Variants in AFAP1L2 observed in about 807,000 individuals in gnomAD.
The protein encoded by AFAP1L2 is actin filament-associated protein 1-like 2.
In AFAP1L2, 46 loss-of-function variants were observed where a neutral mutation model predicts 99.3. The ratio of observed to expected loss-of-function variants is 0.46; its 90% confidence interval spans 0.37 to 0.59. The LOEUF is 0.59. Ranked by LOEUF, AFAP1L2 falls within the 20% of genes least tolerant of loss-of-function variation. The pLI, the probability that AFAP1L2 is intolerant of heterozygous loss-of-function variation, is 0.00. For synonymous variants in AFAP1L2, 397 were observed against 419.1 expected, an observed-to-expected ratio of 0.95 and a Z score of 0.64; for missense variants, 959 against 1,034.9, an observed-to-expected ratio of 0.93 and a Z score of 1.01.
chr10:114,289,318 C>A, the AFAP1L2 span: 1 of 1,614,092 alleles, frequency 6.2e-7, no homozygotes, highest in Non-Finnish European at 8.5e-7. Flanking sequence ...TGCAGCCGTT[C>A]CTGCCCAGAA....
At chr10:114,287,130 C>T in the AFAP1L2 span, among the ~76,000 whole-genome samples, 7 of 152,244 alleles carry the variant, frequency 4.6e-5, no homozygotes, top group East Asian at 1.3e-3. Flanking sequence ...CTAGAGAACA[C>T]TGTCCCCACG....
At chr10:114,348,416 C>T (rs973533357) in intron 1 of AFAP1L2, among the ~76,000 whole-genome samples, 51 of 152,148 alleles carry the variant, frequency 3.4e-4, no homozygotes, top group Admixed American at 6.5e-5. Context: ...GAATAGCTTT[C>T]GGAGTCTGAC....
Position 114,308,419 on chromosome 10 carries a change from C to G in AFAP1L2, c.967+14G>C, listed in dbSNP as rs1312790581. The stretch of plus-strand genomic sequence containing the variant: ...GCCTGGGACACCATTCCCCTCCCAA[C>G]CACATGATGTTACCGTCTTTGGTTT... On this transcript the variant is annotated intron_variant, in intron 9 of 18. Coordinates refer to ENST00000304129, the MANE Select transcript of AFAP1L2 (RefSeq NM_001001936.3). The G allele has an allele frequency of 6.2e-7, 1 of 1,611,912 alleles. No homozygotes were observed. Among genetic ancestry groups the G allele is most frequent in the Non-Finnish European group, 8.5e-7 (1 of 1,177,998 alleles).
intron 2 of AFAP1L2, among the ~76,000 whole-genome samples, chr10:114,334,170 C>T (rs564440415): frequency 6.6e-6 from 1 of 152,354 alleles, no homozygotes; most frequent in Admixed American, 6.5e-5. Flanking sequence ...CCTGCAGTGG[C>T]ACAATCCATG....
chr10:114,335,313 A>AAC (rs1470385881), intron 2 of AFAP1L2, among the ~76,000 whole-genome samples: 16 of 152,230 alleles, frequency 1.1e-4, no homozygotes, highest in African/African-American at 3.4e-4. Context: ...TTTTTTTTAA[A>AAC]AAAAGAATAC....
At chr10:114,286,699 G>T in the AFAP1L2 span, among the ~76,000 whole-genome samples, 1 of 152,228 alleles carries the variant, frequency 6.6e-6, no homozygotes, top group Non-Finnish European at 1.5e-5. Context: ...ACTAATAGTA[G>T]TACCTCCTGA....
chr10:114,372,348 C>A (rs1317199568), intron 1 of AFAP1L2, among the ~76,000 whole-genome samples: 1 of 152,168 alleles, frequency 6.6e-6, no homozygotes, highest in Non-Finnish European at 1.5e-5. Flanking sequence ...GGCTGACTTG[C>A]CATTGTGTGT....
At chr10:114,327,170 TA>T (rs11298898) in intron 4 of AFAP1L2, among the ~76,000 whole-genome samples, 4,079 of 76,384 alleles carry the variant, frequency 0.053, 486 homozygotes, top group African/African-American at 0.12. Context: ...TATATATATA[TA>T]TATTTTTTTT....
chr10:114,297,357 G>A lies in AFAP1L2; in HGVS notation c.2170C>T (p.Arg724Trp), dbSNP rs372048907. 2.2e-5 allele frequency: 35 copies of A among 1,613,516 alleles called. No individual in the cohort carries two copies. The highest frequency in any genetic ancestry group is 9.9e-5 in the South Asian group (9 of 91,062). Residue 724 changes from arginine to tryptophan, a missense_variant, in exon 17 of 19, where the codon CGG becomes TGG. By Grantham distance (101) the Arg-to-Trp change is moderately radical. Transcript: ENST00000304129. ...TCCACGCGCCTGCTCTCCTCGCCCC[G>A]GCACTCCTCGTCAATTTCCTTCAGC... ...QKLKEIDEECRGEESRRVDLE... is the reference protein window; with the variant it reads ...QKLKEIDEECWGEESRRVDLE...
chr10:114,399,154 A>G (rs1050571589), intron 1 of AFAP1L2, among the ~76,000 whole-genome samples: 2 of 152,216 alleles, frequency 1.3e-5, no homozygotes, highest in African/African-American at 2.4e-5. Context: ...CTGGAGAGGG[A>G]CATAAGGAAA....
upstream of AFAP1L2, chr10:114,404,751 T>G: frequency 3.1e-6 from 1 of 320,878 alleles, no homozygotes; most frequent in Non-Finnish European, 5.6e-6. Context: ...CCGGCCGCCT[T>G]GGCACTCCCT....
intron 1 of AFAP1L2, among the ~76,000 whole-genome samples, chr10:114,341,181 C>T (rs546435410): frequency 6.5e-4 from 99 of 152,288 alleles, no homozygotes; most frequent in African/African-American, 2.2e-3. Flanking sequence ...GGCTTTGGGC[C>T]CATTTACTTC....
At chr10:114,352,764 G>C (rs1004748501) in intron 1 of AFAP1L2, among the ~76,000 whole-genome samples, 1 of 152,228 alleles carries the variant, frequency 6.6e-6, no homozygotes, top group Non-Finnish European at 1.5e-5. Flanking sequence ...GTGTCTACCA[G>C]GTCCTTTGGT....
Position 114,327,147 on chromosome 10 carries a change from T to A in AFAP1L2, c.316-3886A>T, listed in dbSNP as rs12355406. Among the ~76,000 whole-genome samples the A allele has an allele frequency of 7.1e-4, 39 of 54,548 alleles. 1 individual carries two copies. The highest frequency in any genetic ancestry group is 0.011 in the Middle Eastern group (1 of 92). The allele number at this position is 54,548 out of a possible 152,430, so 35.8% of individuals were successfully genotyped here. ...TGAAGACCGTGAATTTTATATATAT[T>A]TATATATATATATATATATATATAT... On this transcript the variant is annotated intron_variant, in intron 4 of 18. Coordinates refer to ENST00000304129, the MANE Select transcript of AFAP1L2 (RefSeq NM_001001936.3).
At chr10:114,385,059 G>A (rs1349055256) in intron 1 of AFAP1L2, among the ~76,000 whole-genome samples, 1 of 152,214 alleles carries the variant, frequency 6.6e-6, no homozygotes, top group South Asian at 2.1e-4. Flanking sequence ...AGGGGCCAGA[G>A]GTGATCAACC....
intron 5 of AFAP1L2, among the ~76,000 whole-genome samples, chr10:114,319,154 A>AAAAAC (rs1433398274): frequency 2.6e-5 from 4 of 152,162 alleles, no homozygotes; most frequent in Non-Finnish European, 2.9e-5. Context: ...ACTCTGTCCC[A>AAAAAC]AAAACAAAAC....
Position 114,377,570 on chromosome 10 carries a change from A to G in AFAP1L2, c.16+26870T>C, listed in dbSNP as rs2054978149. 6.6e-6 allele frequency among the ~76,000 whole-genome samples: 1 copy of G among 152,228 alleles called. No individual in the cohort carries two copies. Among genetic ancestry groups the G allele is most frequent in the Non-Finnish European group, 1.5e-5 (1 of 68,046 alleles). On this transcript the variant is annotated intron_variant, in intron 1 of 18. Coordinates refer to ENST00000304129, the MANE Select transcript of AFAP1L2 (RefSeq NM_001001936.3). This position sits in a 1 kb window ranked among gnomAD's most constrained non-coding sequence, Gnocchi z 4.0. ...TAGGCATCAGTGGTCAATGTTGCTT[A>G]TGGAACCAAGGTCTTGGCAAAATAG...
intron 1 of AFAP1L2, among the ~76,000 whole-genome samples, chr10:114,375,277 A>G (rs2054640452): frequency 6.6e-6 from 1 of 152,240 alleles, no homozygotes; most frequent in Non-Finnish European, 1.5e-5. Context: ...CCATGCCAGA[A>G]TTGAGTCATT....
At chr10:114,342,729 T>C (rs1336819063) in intron 1 of AFAP1L2, among the ~76,000 whole-genome samples, 6 of 152,224 alleles carry the variant, frequency 3.9e-5, no homozygotes, top group Admixed American at 3.9e-4. Context: ...AGGAGCCCTG[T>C]GGCCCCCTCT....
Sources: allele counts gnomAD v4.1 joint callset (sites outside exome capture counted in the v4.1 genomes callset), GRCh38; gene constraint gnomAD v4.1.1; non-coding constraint Gnocchi (gnomAD v3.1); transcripts MANE v1.5; gene names NCBI Gene and HGNC (gene_info 2026-07-23, HGNC 2026-07-21).